The following GTF2H3 variants were observed in gnomAD, a reference collection of about 807,000 sequenced individuals.
GTF2H3 encodes TFIIH basal transcription factor complex p34 subunit.
Under a neutral mutation model 51.1 loss-of-function variants are expected in GTF2H3, and 42 were observed. The ratio of observed to expected loss-of-function variants is 0.82; its 90% CI spans 0.64 to 1.06. GTF2H3 has a LOEUF of 1.06. Among genes scored for constraint, GTF2H3 ranks in the 50% least tolerant of loss-of-function variants. GTF2H3 has a pLI of 0.00. For synonymous variants in GTF2H3, 123 were observed against 123.8 expected, an observed-to-expected ratio of 0.99 and a Z score of 0.04; for missense variants, 326 against 366.1, an observed-to-expected ratio of 0.89 and a Z score of 0.89.
rs1955668844 is a variant in GTF2H3, at chr12:123,662,434, C to T, written c.*2199C>T. On this transcript the variant is annotated 3_prime_UTR_variant, in exon 13 of 13. Coordinates refer to ENST00000543341, the MANE Select transcript of GTF2H3 (RefSeq NM_001516.5). ...TGTAATGGAAATCACAATTTTAAGT[C>T]TAGGAAATAAAGTATTATATATACT... The T allele has an allele frequency of 6.6e-6, 1 of 151,978 alleles. No individual in the cohort carries two copies. Among genetic ancestry groups the T allele is most frequent in the South Asian group, 2.1e-4 (1 of 4,824 alleles). The allele number at this position is 151,978 out of a possible 1,614,324, so 9.4% of individuals were successfully genotyped here.
At chr12:123,654,862 T>C (rs1469627689) in intron 7 of GTF2H3, 62 bp from the exon 8 acceptor site, 2 of 1,090,078 alleles carry the variant, frequency 1.8e-6, no homozygotes, top group South Asian at 1.2e-5. Context: ...GTATATTGTG[T>C]GACATTGGTG....
At chr12:123,654,826 T>C in intron 7 of GTF2H3, 98 bp from the exon 8 acceptor site, 2 of 798,296 alleles carry the variant, frequency 2.5e-6, no homozygotes, top group African/African-American at 3.4e-5. Flanking sequence ...GAAGACAAAC[T>C]GGAATAATGT....
intron 1 of GTF2H3, 80 bp downstream of exon 1, chr12:123,633,952 T>TCTC: frequency 6.9e-7 from 1 of 1,444,814 alleles, no homozygotes; most frequent in Non-Finnish European, 9.7e-7. Context: ...ATGGAATGTG[T>TCTC]CTTTTGGGCT....
At chr12:123,654,839 G>A in intron 7 of GTF2H3, 85 bp from the exon 8 acceptor site, 2 of 859,886 alleles carry the variant, frequency 2.3e-6, no homozygotes, top group Non-Finnish European at 4.0e-6. Context: ...AATAATGTTG[G>A]TTGTGGTTCG....
chr12:123,660,039 TTTACAGTA>T lies in GTF2H3; in HGVS notation c.821-4_824del. The stretch of plus-strand genomic sequence containing the variant: ...CCCTATTGTTTCTTTTTTTTTTTAA[TTTACAGTA>T]TTCTGCAATTTCAGCCCCATTTGTA... On this transcript the variant is annotated splice_acceptor_variant and splice_polypyrimidine_tract_variant and coding_sequence_variant and intron_variant, in exon 12 of 13. Coordinates refer to ENST00000543341, the MANE Select transcript of GTF2H3 (RefSeq NM_001516.5). LOFTEE classifies it high-confidence loss of function. 2 of 1,592,976 alleles carry T rather than the reference TTTACAGTA, an allele frequency of 1.3e-6. No homozygotes were observed.
intron 5 of GTF2H3, among the ~76,000 whole-genome samples, chr12:123,651,836 A>C (rs1195121355): frequency 2.0e-5 from 3 of 151,984 alleles, no homozygotes; most frequent in Non-Finnish European, 2.9e-5. Flanking sequence ...AAAAAAAAGA[A>C]AAAAAGATAA....
chr12:123,654,924 G>A lies in GTF2H3; in HGVS notation c.487G>A (p.Val163Met), dbSNP rs952938715. The A allele has an allele frequency of 6.8e-6, 11 of 1,609,800 alleles. No individual in the cohort carries two copies. Among genetic ancestry groups the A allele is most frequent in the Admixed American group, 1.7e-5 (1 of 59,978 alleles). Residue 163 changes from valine (V) to methionine (M), a missense_variant and splice_region_variant, in exon 8 of 13, where the codon GTG (valine) becomes ATG (methionine). Coordinates refer to ENST00000543341, the MANE Select transcript of GTF2H3 (RefSeq NM_001516.5). ...GAATTAACATGACTGTGATTTTTAG[G>A]TGATTAAGGCTGCAGAAGACAGTGC... The part of the protein sequence containing the change: ...DNQEMKSRIL[V>M]IKAAEDSALQ...
intron 9 of GTF2H3, chr12:123,656,028 G>T: frequency 2.3e-6 from 1 of 431,734 alleles, no homozygotes; most frequent in South Asian, 5.3e-5. Flanking sequence ...ATTTCCGTTG[G>T]GCAGCACTAA....
At chr12:123,636,258 C>T (rs919719544) in intron 1 of GTF2H3, among the ~76,000 whole-genome samples, 30 of 152,108 alleles carry the variant, frequency 2.0e-4, no homozygotes, top group African/African-American at 7.2e-4. Context: ...TTTGGGATTG[C>T]AGATTCCGGT....
intron 9 of GTF2H3, among the ~76,000 whole-genome samples, chr12:123,659,196 G>A (rs538828956): frequency 2.0e-5 from 3 of 152,202 alleles, no homozygotes; most frequent in South Asian, 4.1e-4. Context: ...GGGAAACCCC[G>A]TCTCTACTAA....
At chr12:123,642,490 C>G (rs952524496) in intron 2 of GTF2H3, among the ~76,000 whole-genome samples, 1 of 152,120 alleles carries the variant, frequency 6.6e-6, no homozygotes, top group African/African-American at 2.4e-5. Flanking sequence ...ACTTGTGATT[C>G]TATTTCCAAA....
Position 123,655,009 on chromosome 12 carries a change from AGCCT to A in GTF2H3, c.561+15_561+18del, listed in dbSNP as rs756432195. ...GCAGCACAGAAACAGGTGAACTGAG[AGCCT>A]GCCGTTTAAAGTATTTGTTTCATAA... On this transcript the variant is annotated intron_variant, in intron 8 of 12. Coordinates refer to ENST00000543341, the MANE Select transcript of GTF2H3 (RefSeq NM_001516.5). 6.2e-7 allele frequency: 1 copy of A among 1,600,558 alleles called. No individual in the cohort carries two copies. Among genetic ancestry groups the A allele is most frequent in the South Asian group, 1.1e-5 (1 of 90,794 alleles).
At chr12:123,659,007 T>C (rs530174064) in intron 9 of GTF2H3, among the ~76,000 whole-genome samples, 2 of 152,322 alleles carry the variant, frequency 1.3e-5, no homozygotes, top group East Asian at 3.9e-4. Flanking sequence ...CAATGAGCTA[T>C]TACTTCACTC....
rs892883957 is a variant in GTF2H3, at chr12:123,660,877, A to G, written c.*642A>G. The G allele has an allele frequency of 2.6e-5, 4 of 152,228 alleles. No individual in the cohort carries two copies. The highest frequency in any genetic ancestry group is 9.6e-5 in the African/African-American group (4 of 41,458). The allele number at this position is 152,228 out of a possible 1,614,324, so 9.4% of individuals were successfully genotyped here. A position where few individuals can be genotyped will look rare whatever the true frequency, so the allele number is the denominator to read the frequency against. The stretch of plus-strand genomic sequence containing the variant: ...TGTACAGAAGCAAATTTTCTTCAAA[A>G]TAGTTGTGGGAAGAGCTTATATGTG... On this transcript the variant is annotated 3_prime_UTR_variant, in exon 13 of 13. Transcript: ENST00000543341.
chr12:123,659,073 A>G (rs1955621349), intron 9 of GTF2H3, among the ~76,000 whole-genome samples: 1 of 152,266 alleles, frequency 6.6e-6, no homozygotes, highest in Admixed American at 6.5e-5. Context: ...GTGAGGATAT[A>G]GAGAAATTGG....
chr12:123,647,487 C>A (rs1156899212), intron 3 of GTF2H3, among the ~76,000 whole-genome samples: 1 of 151,826 alleles, frequency 6.6e-6, no homozygotes, highest in Non-Finnish European at 1.5e-5. Flanking sequence ...AAAAAAGAGT[C>A]ATGAATCACT....
At chr12:123,652,002 AC>A (rs1955526786) in intron 5 of GTF2H3, among the ~76,000 whole-genome samples, 1 of 152,126 alleles carries the variant, frequency 6.6e-6, no homozygotes, top group Non-Finnish European at 1.5e-5. Context: ...TGACTTGGGA[AC>A]AGTGTTTGAT....
At chr12:123,633,974 G>C in intron 1 of GTF2H3, 102 bp downstream of exon 1, 1 of 1,331,332 alleles carries the variant, frequency 7.5e-7, no homozygotes, top group Non-Finnish European at 1.1e-6. Context: ...GATAGAATCC[G>C]TTTGGTCTTT....
intron 1 of GTF2H3, among the ~76,000 whole-genome samples, chr12:123,639,047 G>A (rs113597292): frequency 2.0e-5 from 3 of 152,090 alleles, no homozygotes; most frequent in East Asian, 1.9e-4. Flanking sequence ...TGCCTGCCTC[G>A]GCCTCCCAAA....
Sources: gnomAD v4.1 joint callset for allele counts (sites outside exome capture counted in the v4.1 genomes callset) on GRCh38, gnomAD v4.1.1 for gene constraint, MANE v1.5 for transcripts, NCBI Gene and HGNC (gene_info 2026-07-23, HGNC 2026-07-21) for gene names.